ARID4A: variants seen among roughly 807,000 people sequenced by gnomAD.
The protein encoded by ARID4A is AT-rich interactive domain-containing protein 4A.
ARID4A carries 39 observed loss-of-function variants against 148.6 expected under a neutral mutation model. That is an observed-to-expected ratio of 0.26 (90% CI 0.20 to 0.34). ARID4A has a LOEUF of 0.34. Ranked by LOEUF, ARID4A falls within the 10% of genes least tolerant of loss-of-function variation. The pLI is 1.00. For synonymous variants in ARID4A, 475 were observed against 481.2 expected (o/e 0.99, Z 0.17); for missense variants, 1,265 against 1,449.1 (o/e 0.87, Z 2.06).
chr14:58,367,280 A>G (rs1421576604), intron 23 of ARID4A, among the ~76,000 whole-genome samples: 4 of 152,256 alleles, frequency 2.6e-5, no homozygotes, highest in African/African-American at 4.8e-5. Context: ...CAGGTAGAGC[A>G]TAGTCCTTCT....
At chr14:58,344,079 T>C (rs2034242187) in intron 11 of ARID4A, among the ~76,000 whole-genome samples, 1 of 152,086 alleles carries the variant, frequency 6.6e-6, no homozygotes, top group Non-Finnish European at 1.5e-5. Context: ...GGGGCCATAC[T>C]AGAAAGGCAA....
Position 58,364,727 on chromosome 14 carries a change from A to G in ARID4A, c.2638A>G (p.Thr880Ala). Residue 880 changes from threonine (T) to alanine (A), a missense_variant, in exon 20 of 24, where the codon ACT becomes GCT. Physicochemically the swap from Thr to Ala is moderately conservative, Grantham distance 58 (BLOSUM62 0). Coordinates refer to ENST00000355431, the MANE Select transcript of ARID4A (RefSeq NM_002892.4). ...RIENGMEMTN[T>A]VSQERTSDCI... is the part of the protein sequence containing the mutation. ...TGAGAATGGAATGGAAATGACAAATACTGTATCTCAAGAAAGGACCAGTGA... is the reference window on the plus strand; with the variant it reads ...TGAGAATGGAATGGAAATGACAAATGCTGTATCTCAAGAAAGGACCAGTGA... 1.2e-6 allele frequency: 2 copies of G among 1,613,972 alleles called. No homozygotes were observed. Among genetic ancestry groups the G allele is most frequent in the Non-Finnish European group, 1.7e-6 (2 of 1,179,964 alleles).
chr14:58,344,972 A>C (rs962578983), intron 12 of ARID4A, among the ~76,000 whole-genome samples: 1 of 152,190 alleles, frequency 6.6e-6, no homozygotes, highest in African/African-American at 2.4e-5. Flanking sequence ...TCCTGGGCTC[A>C]AGTGATCCTC....
chr14:58,370,981 A>T (rs1463905186), intron 23 of ARID4A, among the ~76,000 whole-genome samples: 2 of 152,062 alleles, frequency 1.3e-5, no homozygotes, highest in Non-Finnish European at 2.9e-5. Flanking sequence ...GATTTGAGTG[A>T]TTTGTAGCAT....
At chr14:58,361,188 A>G in intron 19 of ARID4A, 146 bp downstream of exon 19, 2 of 1,301,666 alleles carry the variant, frequency 1.5e-6, no homozygotes, top group Non-Finnish European at 2.0e-6. Flanking sequence ...TTCACAGTAC[A>G]GGTTGAGTAT....
At position 58,347,788 on chromosome 14, in the gene ARID4A, G is replaced by A; in HGVS notation, c.1314G>A (p.Met438Ile). The change falls in exon 15 of 24, where the codon ATG (methionine) becomes ATA (isoleucine). Residue 438 changes from methionine (M) to isoleucine (I), a missense_variant. This residue lies in a region of ARID4A where 205 missense variants were observed against 196.9 expected (regional missense o/e 1.04). Coordinates refer to ENST00000355431, the MANE Select transcript of ARID4A (RefSeq NM_002892.4). Reference protein sequence around the residue: ...MEEALKLDQEMPLTEVKSEPE... With the variant: ...MEEALKLDQEIPLTEVKSEPE... ...AGGCTCTCAAATTAGATCAAGAAAT[G>A]CCTTTAACAGAAGTGAAGAGTGAAC... The A allele has an allele frequency of 1.2e-6, 2 of 1,613,752 alleles. No homozygotes were observed. The highest frequency in any genetic ancestry group is 1.7e-6 in the Non-Finnish European group (2 of 1,179,774).
At chr14:58,312,217 A>ATTT (rs1167025695) in intron 5 of ARID4A, among the ~76,000 whole-genome samples, 3 of 142,916 alleles carry the variant, frequency 2.1e-5, no homozygotes, top group Non-Finnish European at 4.6e-5. Context: ...TTAATGTTAA[A>ATTT]TTTTTTTTTT....
chr14:58,322,684 G>A (rs1485250159), intron 7 of ARID4A, among the ~76,000 whole-genome samples: 2 of 151,970 alleles, frequency 1.3e-5, no homozygotes, highest in Non-Finnish European at 2.9e-5. Flanking sequence ...AGGCTTGGCT[G>A]GGCACGTTGC....
At chr14:58,321,582 A>G (rs1288117308) in intron 7 of ARID4A, among the ~76,000 whole-genome samples, 1 of 152,090 alleles carries the variant, frequency 6.6e-6, no homozygotes, top group Non-Finnish European at 1.5e-5. Flanking sequence ...AGGGTCCCTC[A>G]TTTATTTTAG....
chr14:58,341,722 GTAGA>G (rs1371168035), intron 11 of ARID4A, among the ~76,000 whole-genome samples: 2 of 152,138 alleles, frequency 1.3e-5, no homozygotes, highest in Non-Finnish European at 1.5e-5. Context: ...ATCTAGTAGT[GTAGA>G]TAGATATCCA....
chr14:58,317,432 C>A (rs1447519696), intron 5 of ARID4A, among the ~76,000 whole-genome samples: 1 of 148,600 alleles, frequency 6.7e-6, no homozygotes, highest in African/African-American at 2.5e-5. Context: ...CTACAGGCGC[C>A]CGCCACCACG....
chr14:58,355,648 C>T (rs2034836714), intron 17 of ARID4A, among the ~76,000 whole-genome samples: 1 of 152,160 alleles, frequency 6.6e-6, no homozygotes, highest in African/African-American at 2.4e-5. Flanking sequence ...GCACTTAGTG[C>T]TCCATGAATG....
chr14:58,312,387 T>C (rs1160814315), intron 5 of ARID4A, among the ~76,000 whole-genome samples: 5 of 152,122 alleles, frequency 3.3e-5, no homozygotes, highest in African/African-American at 9.6e-5. Flanking sequence ...GGCTAATTTT[T>C]ATATTTTTAG....
Position 58,359,121 on chromosome 14 carries a change from T to A in ARID4A, c.1854-11T>A. 1 of 1,538,084 alleles carries A rather than the reference T, an allele frequency of 6.5e-7. No individual in the cohort carries two copies. The highest frequency in any genetic ancestry group is 8.7e-7 in the Non-Finnish European group (1 of 1,150,908). On this transcript the variant is annotated splice_polypyrimidine_tract_variant and intron_variant, in intron 17 of 23. Transcript: ENST00000355431. ...TTGTACAAACTCTTTTTTTTTTTTT[T>A]TTTTTTTAAGGTATGATGAGTGGGT...
At chr14:58,307,748 A>T (rs2031719633) in intron 5 of ARID4A, among the ~76,000 whole-genome samples, 1 of 152,206 alleles carries the variant, frequency 6.6e-6, no homozygotes, top group Non-Finnish European at 1.5e-5. Context: ...TGAATCTGGG[A>T]GGCGGAGGTT....
intron 11 of ARID4A, among the ~76,000 whole-genome samples, chr14:58,333,035 A>G (rs1411832807): frequency 6.6e-6 from 1 of 152,096 alleles, no homozygotes; most frequent in Non-Finnish European, 1.5e-5. Context: ...CTTTACATGA[A>G]AGAGCACCTT....
At chr14:58,338,469 G>T (rs1333064705) in intron 11 of ARID4A, among the ~76,000 whole-genome samples, 1 of 152,140 alleles carries the variant, frequency 6.6e-6, no homozygotes, top group Admixed American at 6.6e-5. Context: ...AGCTTGGAGG[G>T]TGCTGTCTTA....
intron 11 of ARID4A, among the ~76,000 whole-genome samples, chr14:58,337,750 CT>C (rs2033906296): frequency 6.6e-6 from 1 of 152,172 alleles, no homozygotes; most frequent in Admixed American, 6.5e-5. Context: ...ATGCTCCTTG[CT>C]TGTATTTTGT....
chr14:58,372,985 C>A lies in ARID4A; in HGVS notation c.*996C>A. ...CAATAGCTCTCAGCTGTCCTTTTTA[C>A]AGGAGGTTGCATCCTGCAGCCTTGC... On this transcript the variant is annotated 3_prime_UTR_variant, in exon 24 of 24. Transcript: ENST00000355431. 5.2e-6 allele frequency: 1 copy of A among 192,384 alleles called. No homozygotes were observed. The highest frequency in any genetic ancestry group is 1.1e-5 in the Non-Finnish European group (1 of 92,032). The allele number at this position is 192,384 out of a possible 1,614,324, so 11.9% of individuals were successfully genotyped here. A position where few individuals can be genotyped will look rare whatever the true frequency, so the allele number is the denominator to read the frequency against.
Sources: allele counts gnomAD v4.1 joint callset (sites outside exome capture counted in the v4.1 genomes callset), GRCh38; gene constraint gnomAD v4.1.1; regional missense constraint gnomAD v4.1.1; transcripts MANE v1.5; gene names NCBI Gene and HGNC (gene_info 2026-07-23, HGNC 2026-07-21).